The following CENPW variants were observed in gnomAD, a reference collection of about 807,000 sequenced individuals.
CENPW encodes centromere protein W.
A neutral mutation model predicts 11.1 loss-of-function variants in CENPW; 3 were observed. That is an observed-to-expected ratio of 0.27 (90% CI 0.12 to 0.70). The LOEUF (loss-of-function observed/expected upper bound fraction) is 0.70, where lower values mean the gene tolerates loss of function less well. CENPW is among the 30% of genes least tolerant of loss of function. CENPW has a pLI of 0.77. For synonymous variants in CENPW, 38 were observed against 42.0 expected, an observed-to-expected ratio of 0.91 and a Z score of 0.37; for missense variants, 100 against 105.6, an observed-to-expected ratio of 0.95 and a Z score of 0.23.
the CENPW span, among the ~76,000 whole-genome samples, chr6:126,431,280 G>A: frequency 7.9e-5 from 12 of 152,108 alleles, no homozygotes; most frequent in African/African-American, 1.2e-4. Context: ...ACCCCAGTGC[G>A]TTTTTTGCTT....
chr6:126,442,788 C>T, the CENPW span, among the ~76,000 whole-genome samples: 2 of 151,262 alleles, frequency 1.3e-5, no homozygotes, highest in Non-Finnish European at 3.0e-5. Flanking sequence ...ATACTACTTA[C>T]ATCTATGGAA....
the CENPW span, among the ~76,000 whole-genome samples, chr6:126,437,601 G>A: frequency 6.6e-6 from 1 of 151,906 alleles, no homozygotes; most frequent in African/African-American, 2.4e-5. Context: ...TACTTACTGA[G>A]TAATGGAGAC....
At chr6:126,436,468 C>G in the CENPW span, among the ~76,000 whole-genome samples, 3 of 151,762 alleles carry the variant, frequency 2.0e-5, no homozygotes, top group African/African-American at 4.8e-5. Flanking sequence ...GGACACAACT[C>G]TACTTATTAA....
At chr6:126,423,848 ATT>A in the CENPW span, among the ~76,000 whole-genome samples, 12 of 53,818 alleles carry the variant, frequency 2.2e-4, no homozygotes, top group East Asian at 0.03. Flanking sequence ...TTTTTTTTAA[ATT>A]ATTATTATAC....
the CENPW span, among the ~76,000 whole-genome samples, chr6:126,367,749 G>A: frequency 6.6e-6 from 1 of 152,136 alleles, no homozygotes; most frequent in South Asian, 2.1e-4. Context: ...AAACTCATTT[G>A]GAAGGTGTTT....
intron 2 of CENPW, among the ~76,000 whole-genome samples, chr6:126,347,917 C>A (rs1373241069): frequency 6.6e-6 from 1 of 151,714 alleles, no homozygotes; most frequent in Non-Finnish European, 1.5e-5. Context: ...TGAAAATAAT[C>A]TACTTAACAG....
chr6:126,413,709 T>TA, the CENPW span, among the ~76,000 whole-genome samples: 33 of 150,978 alleles, frequency 2.2e-4, no homozygotes, highest in African/African-American at 2.9e-4. Flanking sequence ...CTGATCACCA[T>TA]AAAAAAAACC....
intron 2 of CENPW, 110 bp downstream of exon 2, chr6:126,346,428 A>C: frequency 1.9e-6 from 1 of 526,286 alleles, no homozygotes; most frequent in Non-Finnish European, 3.4e-6. Context: ...GATTGAGTCG[A>C]TATTTGGCCT....
At chr6:126,407,159 C>T in the CENPW span, among the ~76,000 whole-genome samples, 1 of 152,270 alleles carries the variant, frequency 6.6e-6, no homozygotes. Context: ...GGTCATCTCT[C>T]ATTTGTAAGT....
chr6:126,454,783 G>C, the CENPW span, among the ~76,000 whole-genome samples: 1 of 151,016 alleles, frequency 6.6e-6, no homozygotes, highest in Non-Finnish European at 1.5e-5. Flanking sequence ...ATGAATCCAT[G>C]AGTTGGTTTT....
At chr6:126,423,109 G>T in the CENPW span, among the ~76,000 whole-genome samples, 1 of 151,568 alleles carries the variant, frequency 6.6e-6, no homozygotes, top group African/African-American at 2.4e-5. Flanking sequence ...TAGATGTATG[G>T]TTGCCCATCA....
intron 1 of CENPW, 152 bp downstream of exon 1, chr6:126,340,551 C>A: frequency 9.4e-7 from 1 of 1,060,398 alleles, no homozygotes; most frequent in South Asian, 1.5e-5. Context: ...ACGTATGCCC[C>A]ACCCTGGCAT....
the CENPW span, among the ~76,000 whole-genome samples, chr6:126,462,388 T>G: frequency 6.6e-6 from 1 of 151,950 alleles, no homozygotes; most frequent in Non-Finnish European, 1.5e-5. Flanking sequence ...TTGGTTTAGA[T>G]TCTTTAGAAA....
chr6:126,348,582 G>A lies in CENPW; in HGVS notation c.*90G>A, dbSNP rs181793143. Reference sequence around the variant, plus strand: ...CATTTTTTACACATCAGTTAATATGGGATTATTAAATATTGGCTATAAGTG... The same window carrying A: ...CATTTTTTACACATCAGTTAATATGAGATTATTAAATATTGGCTATAAGTG... On this transcript the variant is annotated 3_prime_UTR_variant, in exon 3 of 3. Coordinates refer to ENST00000368328, the MANE Select transcript of CENPW (RefSeq NM_001012507.4). The A allele has an allele frequency of 4.0e-5, 31 of 772,854 alleles. No homozygotes were observed. The Admixed American group carries it at 6.8e-4, about 17-fold the overall frequency. The allele number at this position is 772,854 out of a possible 1,614,324, so 47.9% of individuals were successfully genotyped here.
chr6:126,346,154 A>G (rs1346029746), intron 1 of CENPW, 51 bp from the exon 2 acceptor site: 4 of 919,816 alleles, frequency 4.3e-6, no homozygotes, highest in Non-Finnish European at 5.1e-6. Flanking sequence ...ATATTATTTC[A>G]ATGCATCAGT....
At chr6:126,464,591 C>T in the CENPW span, among the ~76,000 whole-genome samples, 2 of 152,110 alleles carry the variant, frequency 1.3e-5, no homozygotes, top group Admixed American at 6.6e-5. Context: ...GCTTCCTGCC[C>T]TCGAACATCA....
the CENPW span, among the ~76,000 whole-genome samples, chr6:126,466,882 T>G: frequency 6.6e-6 from 1 of 151,956 alleles, no homozygotes; most frequent in African/African-American, 2.4e-5. Flanking sequence ...CTCAATCATA[T>G]TCACAATTAC....
chr6:126,449,276 C>T, the CENPW span, among the ~76,000 whole-genome samples: 1 of 151,068 alleles, frequency 6.6e-6, no homozygotes, highest in Non-Finnish European at 1.5e-5. Context: ...ACACCATCTA[C>T]CTTGTAATGT....
intron 2 of CENPW, among the ~76,000 whole-genome samples, chr6:126,348,000 G>A (rs1780441056): frequency 1.3e-5 from 2 of 151,838 alleles, no homozygotes; most frequent in East Asian, 1.9e-4. Context: ...GAAATTTAAT[G>A]TTGCAGTGGA....
Sources: gnomAD v4.1 joint callset for allele counts (sites outside exome capture counted in the v4.1 genomes callset) on GRCh38, gnomAD v4.1.1 for gene constraint, MANE v1.5 for transcripts, NCBI Gene and HGNC (gene_info 2026-07-23, HGNC 2026-07-21) for gene names.